Variants in KCNQ1 observed in about 807,000 individuals in gnomAD.
KCNQ1 encodes the protein potassium voltage-gated channel subfamily Q member 1, also known as potassium voltage-gated channel subfamily KQT member 1.
In KCNQ1, 49 loss-of-function variants were observed where a neutral mutation model predicts 72.4. The ratio of observed to expected loss-of-function variants is 0.68; its 90% confidence interval spans 0.54 to 0.86. The LOEUF (loss-of-function observed/expected upper bound fraction) is 0.86, where lower values mean the gene tolerates loss of function less well. Ranked by LOEUF, KCNQ1 falls within the 40% of genes least tolerant of loss-of-function variation. The probability of loss-of-function intolerance (pLI) is 0.00; values close to 1 mark genes in which losing one functional copy is unlikely to be tolerated. For synonymous variants in KCNQ1, 450 were observed against 412.6 expected (o/e 1.09, Z -1.10); for missense variants, 790 against 945.1 (o/e 0.84, Z 2.15).
At chr11:2,689,000 G>A (rs943110256) in intron 11 of KCNQ1, 1 of 398,614 alleles carries the variant, frequency 2.5e-6, no homozygotes, top group African/African-American at 2.1e-5. Context: ...GGAGCCTGCA[G>A]GTCCCTGGGT....
At chr11:2,729,482 A>T (rs1482919095) in intron 11 of KCNQ1, among the ~76,000 whole-genome samples, 1 of 152,264 alleles carries the variant, frequency 6.6e-6, no homozygotes, top group African/African-American at 2.4e-5. Flanking sequence ...ACGAAATTCC[A>T]AAGGGATGTC....
At chr11:2,644,614 C>T (rs1849638414) in intron 10 of KCNQ1, 2 of 398,360 alleles carry the variant, frequency 5.0e-6, no homozygotes, top group Non-Finnish European at 4.4e-6. Flanking sequence ...TCATGTTTTG[C>T]CTTTTCATGT....
chr11:2,704,130 C>T lies in KCNQ1; in HGVS notation c.1514+42049C>T, dbSNP rs1052355035. Among the ~76,000 whole-genome samples the T allele has an allele frequency of 3.9e-5, 6 of 152,376 alleles. No individual in the cohort carries two copies. Among genetic ancestry groups the T allele is most frequent in the African/African-American group, 1.4e-4 (6 of 41,590 alleles). On this transcript the variant is annotated intron_variant, in intron 11 of 15. Coordinates refer to ENST00000155840, the MANE Select transcript of KCNQ1 (RefSeq NM_000218.3). The surrounding 1 kb of genome is among the most constrained non-coding windows in gnomAD (Gnocchi z 4.3). ...TTTTGCATGCATTGGTCCACACACC[C>T]ACCACTGCAGCTGTCCTGGGTAAGG...
At position 2,575,641 on chromosome 11, in the gene KCNQ1, G is replaced by A. The variant is rs546809304; in HGVS notation, c.921+2655G>A. On this transcript the variant is annotated intron_variant, in intron 6 of 15. Transcript: ENST00000155840. ...CCGGGGAGTGAAGTACGCCCTCGCC[G>A]GCCAGGCAGCCAGGGCTGCTCCATG... Among the ~76,000 whole-genome samples, 8 of 152,330 alleles carry A rather than the reference G, an allele frequency of 5.3e-5. No homozygotes were observed. The South Asian group carries it at 1.0e-3, about 20-fold the overall frequency.
rs1157563066 is a variant in KCNQ1, at chr11:2,818,758, G to A, written c.1795-29009G>A. Among the ~76,000 whole-genome samples, 1 of 151,674 alleles carries A rather than the reference G, an allele frequency of 6.6e-6. No individual in the cohort carries two copies. The highest frequency in any genetic ancestry group is 1.5e-5 in the Non-Finnish European group (1 of 67,910). ...GACCCAGGCCTTTCCCCCTGCCCAG[G>A]CTAGCCTTGTGCTCAGCTGCCAGCA... On this transcript the variant is annotated intron_variant, in intron 15 of 15. Coordinates refer to ENST00000155840, the MANE Select transcript of KCNQ1 (RefSeq NM_000218.3). This position sits in a 1 kb window ranked among gnomAD's most constrained non-coding sequence, Gnocchi z 7.2.
At chr11:2,555,294 C>T (rs547944735) in intron 2 of KCNQ1, among the ~76,000 whole-genome samples, 8 of 152,310 alleles carry the variant, frequency 5.3e-5, no homozygotes, top group East Asian at 1.9e-4. Context: ...TCCCCCGCTC[C>T]ACCCCCTTTT....
At chr11:2,688,206 T>C in intron 11 of KCNQ1, 1 of 398,788 alleles carries the variant, frequency 2.5e-6, no homozygotes. Context: ...GGGGCTGCAC[T>C]GAGCCCACCA....
chr11:2,644,034 CTT>C (rs949857584), intron 10 of KCNQ1: 5 of 398,360 alleles, frequency 1.3e-5, no homozygotes, highest in South Asian at 2.5e-4. Flanking sequence ...ATGATTCTCT[CTT>C]TGTCTTGGGA....
At chr11:2,584,331 TTGTG>T (rs1848552827) in intron 7 of KCNQ1, among the ~76,000 whole-genome samples, 2 of 152,110 alleles carry the variant, frequency 1.3e-5, no homozygotes, top group African/African-American at 4.8e-5. Context: ...GTGTTAGTGT[TTGTG>T]TGTTAGTGTG....
chr11:2,554,316 C>T (rs973364808), intron 2 of KCNQ1, among the ~76,000 whole-genome samples: 1 of 152,228 alleles, frequency 6.6e-6, no homozygotes, highest in African/African-American at 2.4e-5. Context: ...GGAAAGTCAG[C>T]AGATACAGGG....
chr11:2,568,842 T>A (rs73404674), intron 2 of KCNQ1, among the ~76,000 whole-genome samples: 6,802 of 152,234 alleles, frequency 0.045, 481 homozygotes, highest in African/African-American at 0.15. Flanking sequence ...CCACAGAGCC[T>A]GCAGGTGTCC....
Position 2,445,374 on chromosome 11 carries a change from C to T in KCNQ1, c.276C>T (p.Ser92=), listed in dbSNP as rs1186599274. The T allele has an allele frequency of 6.3e-7, 1 of 1,597,730 alleles. No homozygotes were observed. Among genetic ancestry groups the T allele is most frequent in the Non-Finnish European group, 8.5e-7 (1 of 1,179,560 alleles). Reference sequence around the variant, plus strand: ...CGGTGAGCCTAGACCCGCGCGTCTCCATCTACAGCACGCGCCGCCCGGTGT... The same window carrying T: ...CGGTGAGCCTAGACCCGCGCGTCTCTATCTACAGCACGCGCCGCCCGGTGT... ...RPPVSLDPRV[S]IYSTRRPVLA... is the part of the protein sequence containing the mutation. The change falls in exon 1 of 16, where the codon TCC becomes TCT. Residue 92 remains serine (S), a synonymous_variant. Transcript: ENST00000155840.
chr11:2,574,687 G>A (rs772605907), intron 6 of KCNQ1, among the ~76,000 whole-genome samples: 4 of 152,174 alleles, frequency 2.6e-5, no homozygotes, highest in East Asian at 1.9e-4. Context: ...CTCAACCGCC[G>A]CTTCCCCCAT....
chr11:2,697,004 G>A (rs2133898982), intron 11 of KCNQ1: 2 of 398,264 alleles, frequency 5.0e-6, no homozygotes, highest in Admixed American at 8.8e-5. Context: ...AATTTTCAAA[G>A]TGTAGTCTGG....
chr11:2,688,601 A>ACT lies in KCNQ1; in HGVS notation c.1514+26522_1514+26523dup, dbSNP rs1211896939. 1.8e-5 allele frequency: 7 copies of ACT among 398,528 alleles called. No individual in the cohort carries two copies. In the Admixed American group the frequency reaches 3.1e-4, roughly 18 times the overall value. 24.7% of individuals were successfully genotyped at this position (398,528 alleles called of 1,614,324 possible). On this transcript the variant is annotated intron_variant, in intron 11 of 15. Coordinates refer to ENST00000155840, the MANE Select transcript of KCNQ1 (RefSeq NM_000218.3). ...CAGTGCTCGCTCACTGAGGCCAGGC[A>ACT]CTCATCTTGTGCTGTGCCTGGGTGA... is the stretch of plus-strand genomic sequence containing the variant.
Position 2,647,749 on chromosome 11 carries a change from T to C in KCNQ1, c.1394-14212T>C. ...GGTTATATATGTCCAGGAATTTATC[T>C]CTTTCCTCTAGGTTTTCTAATTGTT... On this transcript the variant is annotated intron_variant, in intron 10 of 15. Coordinates refer to ENST00000155840, the MANE Select transcript of KCNQ1 (RefSeq NM_000218.3). This position sits in a 1 kb window ranked among gnomAD's most constrained non-coding sequence, Gnocchi z 4.0. 1 of 398,526 alleles carries C rather than the reference T, an allele frequency of 2.5e-6. No homozygotes were observed. The highest frequency in any genetic ancestry group is 4.4e-6 in the Non-Finnish European group (1 of 226,034). 24.7% of individuals were successfully genotyped at this position (398,526 alleles called of 1,614,324 possible).
chr11:2,455,160 A>AC (rs1846169445), intron 1 of KCNQ1, among the ~76,000 whole-genome samples: 1 of 150,814 alleles, frequency 6.6e-6, no homozygotes, highest in Admixed American at 6.6e-5. Flanking sequence ...TGCAGTGATG[A>AC]GATCTTGGCT....
intron 15 of KCNQ1, among the ~76,000 whole-genome samples, chr11:2,796,851 A>AG (rs1847144616): frequency 6.6e-6 from 1 of 152,198 alleles, no homozygotes; most frequent in African/African-American, 2.4e-5. Flanking sequence ...TGGCGGTGAG[A>AG]AAACGATGGG....
At chr11:2,844,287 T>C (rs750589776) in intron 15 of KCNQ1, among the ~76,000 whole-genome samples, 4 of 152,172 alleles carry the variant, frequency 2.6e-5, no homozygotes, top group African/African-American at 9.7e-5. Flanking sequence ...AGCAGCATGA[T>C]GCATCAGACT....
Sources: allele counts gnomAD v4.1 joint callset (sites outside exome capture counted in the v4.1 genomes callset), GRCh38; gene constraint gnomAD v4.1.1; non-coding constraint Gnocchi (gnomAD v3.1); transcripts MANE v1.5; gene names NCBI Gene and HGNC (gene_info 2026-07-23, HGNC 2026-07-21).